Variants in DTNBP1 observed in about 807,000 individuals in gnomAD.
DTNBP1 encodes the protein dystrobrevin binding protein 1, also known as dysbindin.
In DTNBP1, 35 loss-of-function variants were observed where a neutral mutation model predicts 42.8. The ratio of observed to expected loss-of-function variants is 0.82; its 90% CI spans 0.63 to 1.09. The LOEUF (loss-of-function observed/expected upper bound fraction) is 1.09. Among genes scored for constraint, DTNBP1 ranks in the 50% least tolerant of loss-of-function variants. DTNBP1 has a pLI of 0.00. For synonymous variants in DTNBP1, 171 were observed against 162.2 expected (o/e 1.05, Z -0.41); for missense variants, 457 against 424.2 (o/e 1.08, Z -0.68).
At chr6:15,576,143 G>C (rs1197468060) in intron 7 of DTNBP1, among the ~76,000 whole-genome samples, 2 of 150,964 alleles carry the variant, frequency 1.3e-5, no homozygotes, top group African/African-American at 4.9e-5. Flanking sequence ...TTTTGAGACA[G>C]AGTCTTGCTC....
chr6:15,523,733 A>T, intron 9 of DTNBP1: 1 of 1,287,206 alleles, frequency 7.8e-7, no homozygotes, highest in Non-Finnish European at 1.0e-6. Context: ...ACTCTGGGTG[A>T]GGGTTCACGC....
chr6:15,607,067 G>A (rs1345129168), intron 6 of DTNBP1, among the ~76,000 whole-genome samples: 1 of 149,640 alleles, frequency 6.7e-6, no homozygotes, highest in Non-Finnish European at 1.5e-5. Flanking sequence ...CTGGAGTGCA[G>A]TGGTGTGAGC....
At chr6:15,657,022 C>G (rs1195199808) in intron 1 of DTNBP1, among the ~76,000 whole-genome samples, 1 of 151,996 alleles carries the variant, frequency 6.6e-6, no homozygotes, top group Non-Finnish European at 1.5e-5. Context: ...CATTTTTTTT[C>G]TCTCTTAAGC....
chr6:15,533,600 A>G, intron 7 of DTNBP1: 1 of 807,074 alleles, frequency 1.2e-6, no homozygotes. Flanking sequence ...GGTCAGGGTC[A>G]GGCCCTTCGT....
chr6:15,570,738 C>T (rs1437641237), intron 7 of DTNBP1, among the ~76,000 whole-genome samples: 1 of 152,154 alleles, frequency 6.6e-6, no homozygotes, highest in Non-Finnish European at 1.5e-5. Flanking sequence ...GCTAATTATA[C>T]TCACAGCTTT....
In DTNBP1 at chr6:15,608,471, T is replaced by C. The variant is rs1388612507; in HGVS notation, c.488+6796A>G. Among the ~76,000 whole-genome samples the C allele has an allele frequency of 3.3e-5, 5 of 152,382 alleles. No individual in the cohort carries two copies. The East Asian group carries it at 9.6e-4, about 29-fold the overall frequency. On this transcript the variant is annotated intron_variant, in intron 6 of 9. Transcript: ENST00000344537. ...CTTAGAATTCTCCAGAAGGCCTTCC[T>C]GTCCCAATATGAATTGCTCTCTAGG...
intron 8 of DTNBP1, among the ~76,000 whole-genome samples, chr6:15,529,180 G>T (rs1772636979): frequency 6.6e-6 from 1 of 152,162 alleles, no homozygotes; most frequent in African/African-American, 2.4e-5. Flanking sequence ...AGCTACTCGG[G>T]AGTCTGAGGT....
At position 15,615,397 on chromosome 6, in the gene DTNBP1, G is replaced by A. The variant is rs957766506; in HGVS notation, c.358C>T (p.His120Tyr). The A allele has an allele frequency of 1.2e-6, 2 of 1,613,710 alleles. No individual in the cohort carries two copies. The highest frequency in any genetic ancestry group is 1.7e-5 in the Admixed American group (1 of 59,984). The change falls in exon 6 of 10, where the codon CAT (histidine) becomes TAT (tyrosine). Residue 120 changes from histidine (H) to tyrosine (Y), a missense_variant and splice_region_variant. Transcript: ENST00000344537. ...ACCTCCTCAAAACTCGCCTCTAAAT[G>A]AGCTGAAAGTATATAAAAATAAACA... ...DLESMTANLT[H>Y]LEASFEEVEN...
intron 7 of DTNBP1, among the ~76,000 whole-genome samples, chr6:15,555,604 C>T (rs893910911): frequency 6.6e-6 from 1 of 152,176 alleles, no homozygotes; most frequent in Non-Finnish European, 1.5e-5. Context: ...GATACTCCCA[C>T]CAATGCTATG....
chr6:15,627,352 C>T lies in DTNBP1; in HGVS notation c.346G>A (p.Ala116Thr). 1 of 1,613,382 alleles carries T rather than the reference C, an allele frequency of 6.2e-7. No individual in the cohort carries two copies. The highest frequency in any genetic ancestry group is 1.7e-4 in the Middle Eastern group (1 of 6,034). Reference sequence around the variant, plus strand: ...AAAACATTGGACTTACTCAGATTTGCTGTCATGGATTCTAAGTCTGCGATT... The same window carrying T: ...AAAACATTGGACTTACTCAGATTTGTTGTCATGGATTCTAAGTCTGCGATT... ...ALIADLESMT[A>T]NLTHLEASFE... Residue 116 changes from alanine to threonine, a missense_variant, in exon 5 of 10, where the codon GCA (alanine) becomes ACA (threonine). Ala to Thr is a moderately conservative substitution (Grantham distance 58, BLOSUM62 0). Coordinates refer to ENST00000344537, the MANE Select transcript of DTNBP1 (RefSeq NM_032122.5).
chr6:15,566,404 A>T (rs1176828582), intron 7 of DTNBP1, among the ~76,000 whole-genome samples: 1 of 152,038 alleles, frequency 6.6e-6, no homozygotes, highest in Non-Finnish European at 1.5e-5. Context: ...GAAACCTGAA[A>T]GGCCAGTTTA....
Position 15,580,476 on chromosome 6 carries a change from T to TA in DTNBP1, c.511+12582dup, listed in dbSNP as rs1448195431. ...TAGAGATGCTTATTACAGCACAAGT[T>TA]ATGCTTAGCATAAAACTGGCAACTA... On this transcript the variant is annotated intron_variant, in intron 7 of 9. Coordinates refer to ENST00000344537, the MANE Select transcript of DTNBP1 (RefSeq NM_032122.5). 6.6e-5 allele frequency among the ~76,000 whole-genome samples: 10 copies of TA among 152,320 alleles called. No homozygotes were observed. The South Asian group carries it at 1.4e-3, about 22-fold the overall frequency.
intron 7 of DTNBP1, among the ~76,000 whole-genome samples, chr6:15,564,190 G>A (rs367700767): frequency 3.0e-4 from 45 of 151,968 alleles, no homozygotes; most frequent in Middle Eastern, 6.8e-3. Context: ...TCGGTGGCTC[G>A]GTATATTGAC....
chr6:15,583,072 T>C (rs910543802), intron 7 of DTNBP1, among the ~76,000 whole-genome samples: 3 of 152,178 alleles, frequency 2.0e-5, no homozygotes, highest in African/African-American at 7.2e-5. Flanking sequence ...CTCAAACTCC[T>C]GAGCCTCAAG....
chr6:15,525,411 G>A (rs1178614177), intron 8 of DTNBP1, among the ~76,000 whole-genome samples: 1 of 152,354 alleles, frequency 6.6e-6, no homozygotes, highest in African/African-American at 2.4e-5. Flanking sequence ...ATTTCTGGAA[G>A]GACTCTCCCT....
chr6:15,640,548 A>AT (rs1441644038), intron 3 of DTNBP1, among the ~76,000 whole-genome samples: 1 of 152,242 alleles, frequency 6.6e-6, no homozygotes, highest in African/African-American at 2.4e-5. Context: ...CAGGTAAATA[A>AT]TTACCTTACT....
intron 8 of DTNBP1, among the ~76,000 whole-genome samples, chr6:15,530,484 C>T (rs1014958993): frequency 6.6e-6 from 1 of 152,170 alleles, no homozygotes; most frequent in African/African-American, 2.4e-5. Flanking sequence ...AAAATTTAAC[C>T]ACTTCATATT....
chr6:15,543,456 G>A (rs1219447971), intron 7 of DTNBP1, among the ~76,000 whole-genome samples: 1 of 152,152 alleles, frequency 6.6e-6, no homozygotes, highest in Non-Finnish European at 1.5e-5. Context: ...ATAGCCTTGT[G>A]TAAGCACTAC....
chr6:15,524,211 TC>T, intron 9 of DTNBP1: 1 of 1,517,444 alleles, frequency 6.6e-7, no homozygotes, highest in Non-Finnish European at 8.8e-7. Context: ...CAAACGCCAG[TC>T]CTTAACCACA....
Sources: allele counts gnomAD v4.1 joint callset (sites outside exome capture counted in the v4.1 genomes callset), GRCh38; gene constraint gnomAD v4.1.1; transcripts MANE v1.5; gene names NCBI Gene and HGNC (gene_info 2026-07-23, HGNC 2026-07-21).